The following COL6A1 variants were observed in gnomAD, a reference collection of about 807,000 sequenced individuals.
COL6A1 encodes collagen alpha-1(VI) chain.
A neutral mutation model predicts 145.6 loss-of-function variants in COL6A1; 80 were observed. That is an observed-to-expected ratio of 0.55 (90% CI 0.46 to 0.66). COL6A1 has a LOEUF of 0.66. Ranked by LOEUF, COL6A1 falls within the 30% of genes least tolerant of loss-of-function variation. The probability of loss-of-function intolerance (pLI) is 0.00; values close to 1 mark genes in which losing one functional copy is unlikely to be tolerated. For synonymous variants in COL6A1, 638 were observed against 622.8 expected (o/e 1.02, Z -0.36); for missense variants, 1,364 against 1,473.8 (o/e 0.93, Z 1.22).
At chr21:45,998,094 A>G in intron 22 of COL6A1, 27 bp from the exon 23 acceptor site, 1 of 1,611,164 alleles carries the variant, frequency 6.2e-7, no homozygotes, top group Non-Finnish European at 8.5e-7. Flanking sequence ...GCCGATTCGC[A>G]CGGTGACGGC....
chr21:46,001,944 C>T lies in COL6A1; in HGVS notation c.1957-17C>T, dbSNP rs370007363. On this transcript the variant is annotated splice_polypyrimidine_tract_variant and intron_variant, in intron 30 of 34. Coordinates refer to ENST00000361866, the MANE Select transcript of COL6A1 (RefSeq NM_001848.3). Reference sequence around the variant, plus strand: ...TGGGGCAGCACTCGCGTCCTGACCCCGGTGCCGGTCCCACAGTTCGAGCCA... The same window carrying T: ...TGGGGCAGCACTCGCGTCCTGACCCTGGTGCCGGTCCCACAGTTCGAGCCA... 1.3e-5 allele frequency: 21 copies of T among 1,608,732 alleles called. No individual in the cohort carries two copies. Among genetic ancestry groups the T allele is most frequent in the African/African-American group, 1.1e-4 (8 of 74,880 alleles).
rs753759904 is a variant in COL6A1, at chr21:46,002,307, C to G, written c.2156C>G (p.Pro719Arg). 6.3e-7 allele frequency: 1 copy of G among 1,593,566 alleles called. No homozygotes were observed. The highest frequency in any genetic ancestry group is 1.1e-5 in the South Asian group (1 of 88,690). The change falls in exon 32 of 35, where the codon CCG becomes CGG. Residue 719 changes from proline to arginine, a missense_variant. Pro to Arg is a moderately radical substitution (Grantham distance 103). Around this residue, in one of 3 missense-constraint regions of COL6A1, gnomAD observed 938 missense variants for 1,003.8 expected, o/e 0.93. Coordinates refer to ENST00000361866, the MANE Select transcript of COL6A1 (RefSeq NM_001848.3). ...CGGGACCAGCTGCTGCCGCCCAGCC[C>G]GAACAACCGCATCGCCCTGGTCATC... Reference protein sequence around the residue: ...YTRDQLLPPSPNNRIALVITD... With the variant: ...YTRDQLLPPSRNNRIALVITD...
intron 6 of COL6A1, 147 bp from the exon 7 acceptor site, chr21:45,987,352 G>A (rs2077745434): frequency 2.1e-6 from 3 of 1,462,722 alleles, no homozygotes; most frequent in Non-Finnish European, 1.9e-6. Flanking sequence ...CCACCTGTGT[G>A]TCTGCCCATG....
In COL6A1 at chr21:46,004,220, A is replaced by T; in HGVS notation, c.*207A>T. On this transcript the variant is annotated 3_prime_UTR_variant, in exon 35 of 35. Coordinates refer to ENST00000361866, the MANE Select transcript of COL6A1 (RefSeq NM_001848.3). ...AGCCCTGAGTTGGCATCACCTGCGCAGGGCCCTCTGGGGCTCAGCCCTGAG... is the reference window on the plus strand; with the variant it reads ...AGCCCTGAGTTGGCATCACCTGCGCTGGGCCCTCTGGGGCTCAGCCCTGAG... 1.5e-6 allele frequency: 1 copy of T among 669,674 alleles called. No homozygotes were observed. Among genetic ancestry groups the T allele is most frequent in the Non-Finnish European group, 2.5e-6 (1 of 398,580 alleles). 41.5% of individuals were successfully genotyped at this position (669,674 alleles called of 1,614,324 possible). A position where few individuals can be genotyped will look rare whatever the true frequency, so the allele number is the denominator to read the frequency against.
chr21:45,990,641 CA>C, intron 13 of COL6A1, 131 bp from the exon 14 acceptor site: 1 of 861,670 alleles, frequency 1.2e-6, no homozygotes, highest in East Asian at 2.5e-5. Flanking sequence ...AAGGTGACCC[CA>C]GGGGGGTGTC....
At chr21:45,991,493 G>A (rs1401563565) in intron 15 of COL6A1, among the ~76,000 whole-genome samples, 2 of 152,154 alleles carry the variant, frequency 1.3e-5, no homozygotes, top group Non-Finnish European at 2.9e-5. Flanking sequence ...CAGCGGGAGG[G>A]CGGGAGCACG....
At position 45,990,826 on chromosome 21, in the gene COL6A1, C is replaced by G. The variant is rs116343553; in HGVS notation, c.1056C>G (p.Asp352Glu). 1 of 1,613,362 alleles carries G rather than the reference C, an allele frequency of 6.2e-7. No homozygotes were observed. The highest frequency in any genetic ancestry group is 1.7e-5 in the Admixed American group (1 of 60,024). ...LPGCKGSPGFDGIQGPPGPKG... is the reference protein window; with the variant it reads ...LPGCKGSPGFEGIQGPPGPKG... ...GCTGCAAGGGCTCGCCCGGGTTTGACGTAAGTCACTTCCTCTCACTGATAC... is the reference window on the plus strand; with the variant it reads ...GCTGCAAGGGCTCGCCCGGGTTTGAGGTAAGTCACTTCCTCTCACTGATAC... The change falls in exon 14 of 35, where the codon GAC (aspartate) becomes GAG (glutamate). Residue 352 changes from aspartate (D) to glutamate (E), a missense_variant and splice_region_variant. By Grantham distance (45) the Asp-to-Glu change is conservative. Transcript: ENST00000361866.
intron 20 of COL6A1, among the ~76,000 whole-genome samples, chr21:45,995,986 C>T (rs2123479698): frequency 6.6e-6 from 1 of 152,384 alleles, no homozygotes; most frequent in East Asian, 1.9e-4. Context: ...CCTTACCCCT[C>T]CCCTCCACCC....
intron 2 of COL6A1, among the ~76,000 whole-genome samples, chr21:45,983,376 T>G (rs2077719264): frequency 1.5e-5 from 2 of 135,460 alleles, no homozygotes; most frequent in Non-Finnish European, 1.6e-5. Context: ...GTCGGTCCTG[T>G]GGGTGCACAG....
rs766956281 is a variant in COL6A1, at chr21:46,002,283, G to A, written c.2132G>A (p.Arg711Gln). Residue 711 changes from arginine to glutamine, a missense_variant, in exon 32 of 35, where the codon CGG (arginine) becomes CAG (glutamine). Physicochemically the swap from Arg to Gln is conservative, Grantham distance 43. This residue lies in a region of COL6A1 where 938 missense variants were observed against 1,003.8 expected (regional missense o/e 0.93). Transcript: ENST00000361866. ...TFTGEALQYTRDQLLPPSPNN... is the reference protein window; with the variant it reads ...TFTGEALQYTQDQLLPPSPNN... ...ACGGGGGAGGCCCTGCAGTACACGC[G>A]GGACCAGCTGCTGCCGCCCAGCCCG... 9 of 1,596,420 alleles carry A rather than the reference G, an allele frequency of 5.6e-6. No homozygotes were observed. The highest frequency in any genetic ancestry group is 1.7e-4 in the Middle Eastern group (1 of 6,030).
At chr21:45,999,461 C>A in intron 26 of COL6A1, 196 bp from the exon 27 acceptor site, 1 of 754,368 alleles carries the variant, frequency 1.3e-6, no homozygotes, top group Non-Finnish European at 2.2e-6. Flanking sequence ...CCTGGGATGG[C>A]CGCCTGGACC....
In COL6A1 at chr21:45,992,000, T is replaced by C. The variant is rs200081060; in HGVS notation, c.1120-10T>C. ...CTGCCAGCGTGTGTGACTCCCCCGG[T>C]CTTCCCCAGGGCGAGCCTGGAGCTG... On this transcript the variant is annotated splice_polypyrimidine_tract_variant and intron_variant, in intron 15 of 34. Transcript: ENST00000361866. The C allele has an allele frequency of 4.4e-6, 7 of 1,576,288 alleles. No homozygotes were observed. The highest frequency in any genetic ancestry group is 2.7e-5 in the African/African-American group (2 of 74,154).
Position 45,992,171 on chromosome 21 carries a change from C to T in COL6A1, c.1190C>T (p.Pro397Leu), listed in dbSNP as rs746386684. 1.5e-5 allele frequency: 25 copies of T among 1,613,550 alleles called. No homozygotes were observed. The highest frequency in any genetic ancestry group is 8.0e-5 in the African/African-American group (6 of 74,856). ...AACCCTTGTTCCCCACAGGGCCAGC[C>T]GGGAGAGCCTGGGCCCCCCGGAGAG... ...SSGPSGDEGQPGEPGPPGEKG... is the reference protein window; with the variant it reads ...SSGPSGDEGQLGEPGPPGEKG... Residue 397 changes from proline (P) to leucine (L), a missense_variant, in exon 17 of 35, where the codon CCG (proline) becomes CTG (leucine). Pro to Leu is a moderately conservative substitution (Grantham distance 98). This residue lies in a region of COL6A1 where 938 missense variants were observed against 1,003.8 expected (regional missense o/e 0.93). Transcript: ENST00000361866.
chr21:45,983,315 A>G (rs1026144971), intron 2 of COL6A1, among the ~76,000 whole-genome samples: 2 of 148,918 alleles, frequency 1.3e-5, no homozygotes, highest in African/African-American at 4.9e-5. Flanking sequence ...CCTCTGCTCC[A>G]CGTTCCTCCA....
At position 45,999,223 on chromosome 21, in the gene COL6A1, G is replaced by A. The variant is rs2123484549; in HGVS notation, c.1740+5G>A. The stretch of plus-strand genomic sequence containing the variant: ...CGGGGTCCCGAGGGCCCCCAGGTGG[G>A]TGGATGTGGCTGGGTGAGGCCACGG... On this transcript the variant is annotated splice_donor_5th_base_variant and intron_variant, in intron 26 of 34. Transcript: ENST00000361866. The A allele has an allele frequency of 1.3e-6, 2 of 1,592,668 alleles. No homozygotes were observed. The highest frequency in any genetic ancestry group is 8.5e-7 in the Non-Finnish European group (1 of 1,170,628).
At chr21:46,000,871 C>T (rs551289728) in intron 29 of COL6A1, 104 bp downstream of exon 29, 23 of 1,407,832 alleles carry the variant, frequency 1.6e-5, no homozygotes, top group South Asian at 9.2e-5. Flanking sequence ...CTCTGGTCCC[C>T]GCCCGCAGCT....
intron 27 of COL6A1, 50 bp from the exon 28 acceptor site, chr21:46,000,281 G>A (rs377184938): frequency 2.4e-5 from 38 of 1,609,842 alleles, no homozygotes; most frequent in African/African-American, 1.6e-4. Context: ...CACAGTCCCC[G>A]CTGGGAGGGG....
chr21:45,994,558 C>T lies in COL6A1; in HGVS notation c.1398+329C>T, dbSNP rs1427196240. Among the ~76,000 whole-genome samples the T allele has an allele frequency of 6.6e-6, 1 of 152,146 alleles. No homozygotes were observed. Among genetic ancestry groups the T allele is most frequent in the East Asian group, 1.9e-4 (1 of 5,180 alleles). The stretch of plus-strand genomic sequence containing the variant: ...GAGGTGTTGGAGCCCCTGGGAGACA[C>T]TGGGAGCTTGGTCAGCATCTGTTTT... On this transcript the variant is annotated intron_variant, in intron 20 of 34. Transcript: ENST00000361866. This position sits in a 1 kb window ranked among gnomAD's most constrained non-coding sequence, Gnocchi z 6.8.
chr21:46,003,436 CCG>C lies in COL6A1; in HGVS notation c.2512_2513del (p.Ala838GlnfsTer8). The C allele has an allele frequency of 6.2e-7, 1 of 1,603,714 alleles. No homozygotes were observed. Among genetic ancestry groups the C allele is most frequent in the Non-Finnish European group, 8.5e-7 (1 of 1,179,724 alleles). ...GACATCACCATCCTGCTGGACGGCT[CCG>C]CCAGCGTGGGCAGCCACAACTTTGA... On this transcript the variant is annotated frameshift_variant, in exon 35 of 35. Coordinates refer to ENST00000361866, the MANE Select transcript of COL6A1 (RefSeq NM_001848.3). LOFTEE classifies it high-confidence loss of function.
Sources: gnomAD v4.1 joint callset for allele counts (sites outside exome capture counted in the v4.1 genomes callset) on GRCh38, gnomAD v4.1.1 for gene constraint, gnomAD v4.1.1 regional missense constraint, Gnocchi (gnomAD v3.1) non-coding constraint, MANE v1.5 for transcripts, NCBI Gene and HGNC (gene_info 2026-07-23, HGNC 2026-07-21) for gene names.